CEP83: variants seen among roughly 807,000 people sequenced by gnomAD.
The protein encoded by CEP83 is centrosomal protein of 83 kDa.
A neutral mutation model predicts 101.9 loss-of-function variants in CEP83; 70 were observed. The ratio of observed to expected loss-of-function variants is 0.69; its 90% CI spans 0.57 to 0.84. The LOEUF is 0.84. Among genes scored for constraint, CEP83 ranks in the 40% least tolerant of loss-of-function variants. The pLI is 0.00. For missense variants in CEP83, 715 were observed against 787.2 expected (o/e 0.91, Z 1.10); for synonymous variants, 264 against 267.9 (o/e 0.99, Z 0.14).
At chr12:94,353,812 T>C (rs1314791929) in intron 11 of CEP83, among the ~76,000 whole-genome samples, 1 of 150,564 alleles carries the variant, frequency 6.6e-6, no homozygotes, top group Non-Finnish European at 1.5e-5. Context: ...AAATAAACTT[T>C]AAGTCAAAAA....
chr12:94,325,501 C>T (rs1252349773), intron 14 of CEP83, among the ~76,000 whole-genome samples: 1 of 152,200 alleles, frequency 6.6e-6, no homozygotes, highest in Non-Finnish European at 1.5e-5. Context: ...TCTTAGTACT[C>T]ACCTCCACCT....
intron 14 of CEP83, among the ~76,000 whole-genome samples, chr12:94,318,742 T>C (rs925110556): frequency 6.6e-6 from 1 of 152,194 alleles, no homozygotes; most frequent in African/African-American, 2.4e-5. Context: ...TGAATCAACC[T>C]TGCATCCCAA....
chr12:94,363,261 T>A (rs2060862520), intron 11 of CEP83, among the ~76,000 whole-genome samples: 2 of 152,220 alleles, frequency 1.3e-5, no homozygotes, highest in South Asian at 4.1e-4. Flanking sequence ...ACACATTGTA[T>A]ACGTGAATCA....
downstream of CEP83, among the ~76,000 whole-genome samples, chr12:94,302,638 AC>A (rs1968578491): frequency 6.6e-6 from 1 of 152,172 alleles, no homozygotes. Context: ...AGTTATTATT[AC>A]CCTCATTTTA....
At chr12:94,315,621 C>A (rs1208820487) in intron 14 of CEP83, among the ~76,000 whole-genome samples, 1 of 151,812 alleles carries the variant, frequency 6.6e-6, no homozygotes, top group African/African-American at 2.4e-5. Context: ...ATAGTAGGAA[C>A]TTTTTGCATC....
At chr12:94,298,702 T>A in the CEP83 span, 10,235 of 1,613,078 alleles carry the variant, frequency 6.3e-3, 38 homozygotes, top group Non-Finnish European at 7.2e-3. Flanking sequence ...AGAGCTCCAT[T>A]TGCTATAAAA....
the CEP83 span, among the ~76,000 whole-genome samples, chr12:94,278,711 C>G: frequency 6.6e-6 from 1 of 152,144 alleles, no homozygotes; most frequent in Non-Finnish European, 1.5e-5. Flanking sequence ...AAAGTGACCT[C>G]TTTGGGCCGG....
At chr12:94,349,914 C>T (rs777844938) in intron 11 of CEP83, among the ~76,000 whole-genome samples, 3 of 151,990 alleles carry the variant, frequency 2.0e-5, no homozygotes, top group Non-Finnish European at 2.9e-5. Flanking sequence ...ACAATAGCAT[C>T]AAAAAGAATA....
intron 14 of CEP83, among the ~76,000 whole-genome samples, chr12:94,327,172 C>T (rs2059006127): frequency 6.6e-6 from 1 of 152,022 alleles, no homozygotes; most frequent in Non-Finnish European, 1.5e-5. Flanking sequence ...CAAATCGATG[C>T]CTTAGTGTTA....
chr12:94,413,622 G>A (rs985799990), intron 2 of CEP83, among the ~76,000 whole-genome samples: 9 of 151,892 alleles, frequency 5.9e-5, no homozygotes, highest in Admixed American at 2.0e-4. Context: ...CATAAATATT[G>A]ATCAACTCCT....
chr12:94,391,362 A>G (rs1020548391), intron 6 of CEP83, among the ~76,000 whole-genome samples: 1 of 152,348 alleles, frequency 6.6e-6, no homozygotes, highest in Admixed American at 6.5e-5. Context: ...CCAGAATTTC[A>G]TATCCAGCCA....
At chr12:94,350,805 CAAAA>C (rs1192815280) in intron 11 of CEP83, among the ~76,000 whole-genome samples, 1 of 151,924 alleles carries the variant, frequency 6.6e-6, no homozygotes, top group Non-Finnish European at 1.5e-5. Context: ...TTTAAATGGA[CAAAA>C]AACTTGACTA....
At chr12:94,330,286 A>C (rs1479173741) in intron 14 of CEP83, among the ~76,000 whole-genome samples, 1 of 152,144 alleles carries the variant, frequency 6.6e-6, no homozygotes, top group Non-Finnish European at 1.5e-5. Flanking sequence ...GCACACACAC[A>C]CACACACACT....
At chr12:94,379,285 T>A (rs2061708521) in intron 6 of CEP83, among the ~76,000 whole-genome samples, 1 of 152,180 alleles carries the variant, frequency 6.6e-6, no homozygotes. Flanking sequence ...CAGGGCTTAA[T>A]CAGTTGCTGA....
chr12:94,357,548 G>C (rs1022042070), intron 11 of CEP83, among the ~76,000 whole-genome samples: 3 of 152,180 alleles, frequency 2.0e-5, no homozygotes, highest in African/African-American at 7.2e-5. Context: ...CTAAACCGGG[G>C]CATTTCCAGC....
chr12:94,413,839 C>T (rs995269157), intron 2 of CEP83, among the ~76,000 whole-genome samples: 24 of 151,024 alleles, frequency 1.6e-4, no homozygotes, highest in African/African-American at 5.4e-4. Flanking sequence ...CACACACACA[C>T]ACACACACAC....
rs1217775568 is a variant in CEP83 at position 94,307,725 on chromosome 12, C to CTAAG, written c.*1084_*1087dup. ...TTCTAGTTATAATAGTTTTTTTATT[C>CTAAG]TAAGTGGCTCCGTGGAAATTATTTT... On this transcript the variant is annotated 3_prime_UTR_variant, in exon 17 of 17. Transcript: ENST00000397809. The CTAAG allele has an allele frequency of 1.4e-5, 2 of 145,128 alleles. No homozygotes were observed. Among genetic ancestry groups the CTAAG allele is most frequent in the East Asian group, 2.0e-4 (1 of 4,928 alleles). 9.0% of individuals were successfully genotyped at this position (145,128 alleles called of 1,614,324 possible). A position where few individuals can be genotyped will look rare whatever the true frequency, so the allele number is the denominator to read the frequency against.
chr12:94,347,696 G>A (rs779402593), intron 11 of CEP83, among the ~76,000 whole-genome samples: 2 of 151,998 alleles, frequency 1.3e-5, no homozygotes, highest in African/African-American at 2.4e-5. Context: ...ATCATATTAC[G>A]TTTATACAAT....
chr12:94,333,555 T>G lies in CEP83; in HGVS notation c.1504A>C (p.Met502Leu). 6.2e-7 allele frequency: 1 copy of G among 1,613,878 alleles called. No individual in the cohort carries two copies. The highest frequency in any genetic ancestry group is 8.5e-7 in the Non-Finnish European group (1 of 1,179,834). Reference protein sequence around the residue: ...LLNSNQMLKEMVERLKQECRN... With the variant: ...LLNSNQMLKELVERLKQECRN... ...CATTCTTGTTTTAATCTCTCCACCA[T>G]TTCCTTCAGCATTTGGTTTGAATTC... The change falls in exon 13 of 17, where the codon ATG becomes CTG. Residue 502 changes from methionine to leucine, a missense_variant. Met to Leu is a conservative substitution (Grantham distance 15). Transcript: ENST00000397809.
Sources: allele counts gnomAD v4.1 joint callset (sites outside exome capture counted in the v4.1 genomes callset), GRCh38; gene constraint gnomAD v4.1.1; transcripts MANE v1.5; gene names NCBI Gene and HGNC (gene_info 2026-07-23, HGNC 2026-07-21).